CHD9: variants seen among roughly 807,000 people sequenced by gnomAD.
CHD9 encodes ATP-dependent chromatin remodeler CHD9.
CHD9 carries 77 observed loss-of-function variants against 316.1 expected under a neutral mutation model. That is an observed-to-expected ratio of 0.24 (90% confidence interval 0.20 to 0.29). The LOEUF is 0.29. Ranked by LOEUF, CHD9 falls within the 10% of genes least tolerant of loss-of-function variation. CHD9 has a pLI of 1.00. For synonymous variants in CHD9, 1,129 were observed against 1,158.3 expected (o/e 0.97, Z 0.51); for missense variants, 2,763 against 3,438.1 (o/e 0.80, Z 4.91).
chr16:53,125,890 G>A (rs943763900), intron 1 of CHD9, among the ~76,000 whole-genome samples: 1 of 152,196 alleles, frequency 6.6e-6, no homozygotes, highest in Admixed American at 6.5e-5. Flanking sequence ...AAACTTCATT[G>A]TAAGTTGAGG....
chr16:53,235,087 G>C (rs1452212952), intron 10 of CHD9, 98 bp from the exon 11 acceptor site: 5 of 912,608 alleles, frequency 5.5e-6, no homozygotes, highest in East Asian at 5.4e-5. Context: ...ACTGTACACT[G>C]TTATGCCTCT....
At chr16:53,291,909 T>C (rs2054375095) in intron 28 of CHD9, 142 bp downstream of exon 28, 1 of 477,642 alleles carries the variant, frequency 2.1e-6, no homozygotes, top group African/African-American at 2.0e-5. Context: ...TTATAGGACA[T>C]ACTAGTTGAC....
chr16:53,091,352 G>C (rs1245829054), intron 1 of CHD9, among the ~76,000 whole-genome samples: 1 of 152,196 alleles, frequency 6.6e-6, no homozygotes, highest in Non-Finnish European at 1.5e-5. Flanking sequence ...TGTAAAAAAT[G>C]TGACAGTAAC....
chr16:53,158,632 TG>T (rs1429611244), intron 2 of CHD9, among the ~76,000 whole-genome samples: 4 of 152,058 alleles, frequency 2.6e-5, no homozygotes, highest in African/African-American at 9.7e-5. Flanking sequence ...TACTTTTTTT[TG>T]TTTTTTTTTA....
intron 1 of CHD9, among the ~76,000 whole-genome samples, chr16:53,083,140 A>G (rs531190257): frequency 3.1e-4 from 47 of 152,372 alleles, no homozygotes; most frequent in African/African-American, 1.1e-3. Context: ...AAAGGTCCCC[A>G]TAGGAGGGTA....
At position 53,227,559 on chromosome 16, in the gene CHD9, A is replaced by G; in HGVS notation, c.2124A>G (p.Gly708=). The G allele has an allele frequency of 7.0e-7, 1 of 1,434,170 alleles. No homozygotes were observed. The highest frequency in any genetic ancestry group is 9.4e-7 in the Non-Finnish European group (1 of 1,065,818). 88.8% of individuals were successfully genotyped at this position (1,434,170 alleles called of 1,614,324 possible). A position where few individuals can be genotyped will look rare whatever the true frequency, so the allele number is the denominator to read the frequency against. The change falls in exon 7 of 39, where the codon GGA becomes GGG. Residue 708 remains glycine (G), a synonymous_variant. Transcript: ENST00000447540. The part of the protein sequence containing the change: ...SRTVKKEISP[G]VMIDTEEFFV... ...TTTTCTTTTCTTAGATATCACCTGG[A>G]GTGATGATTGATACAGAAGAATTTT...
intron 17 of CHD9, among the ~76,000 whole-genome samples, chr16:53,251,855 G>T (rs922823945): frequency 1.3e-5 from 2 of 151,634 alleles, no homozygotes; most frequent in Non-Finnish European, 2.9e-5. Context: ...ACCTTGGGTG[G>T]TTTTTTTTCC....
intron 1 of CHD9, among the ~76,000 whole-genome samples, chr16:53,150,587 A>G (rs935499466): frequency 6.6e-6 from 1 of 152,228 alleles, no homozygotes; most frequent in South Asian, 2.1e-4. Flanking sequence ...TTGTTTCTTC[A>G]TATGGCTTCA....
At chr16:53,221,594 C>CA (rs1207059623) in intron 3 of CHD9, among the ~76,000 whole-genome samples, 1 of 151,746 alleles carries the variant, frequency 6.6e-6, no homozygotes, top group African/African-American at 2.4e-5. Flanking sequence ...CTCATCAAGA[C>CA]AAAAAAACCC....
In CHD9 at chr16:53,180,815, A is replaced by G. The variant is rs547641752; in HGVS notation, c.1452+23274A>G. Among the ~76,000 whole-genome samples the G allele has an allele frequency of 3.5e-3, 526 of 151,782 alleles. 1 individual carries two copies. Among genetic ancestry groups the G allele is most frequent in the Non-Finnish European group, 5.4e-3 (369 of 67,958 alleles). ...AGCCTCCCCAGTATTAGCTGGGACTACAGGCGCCCGCCACCACGCCCGGCT... is the reference window on the plus strand; with the variant it reads ...AGCCTCCCCAGTATTAGCTGGGACTGCAGGCGCCCGCCACCACGCCCGGCT... On this transcript the variant is annotated intron_variant, in intron 2 of 38. Coordinates refer to ENST00000447540, the MANE Select transcript of CHD9 (RefSeq NM_001308319.2).
chr16:53,154,844 C>A (rs866469109), intron 1 of CHD9, among the ~76,000 whole-genome samples: 11 of 152,218 alleles, frequency 7.2e-5, no homozygotes, highest in Middle Eastern at 6.8e-3. Context: ...CTAGAGTTGT[C>A]ATTTGTGACA....
intron 1 of CHD9, among the ~76,000 whole-genome samples, chr16:53,119,159 G>A (rs769319045): frequency 1.1e-4 from 16 of 152,160 alleles, no homozygotes; most frequent in African/African-American, 2.2e-4. Context: ...TTTTGGAGGC[G>A]ATGAATATGT....
Position 53,080,061 on chromosome 16 carries a change from A to G in CHD9, c.-165+24984A>G, listed in dbSNP as rs905087904. Among the ~76,000 whole-genome samples the G allele has an allele frequency of 2.6e-5, 4 of 152,246 alleles. No homozygotes were observed. In the East Asian group the frequency reaches 5.8e-4, roughly 22 times the overall value. ...TCAACTGGCATCTGAAGTGGGAGCA[A>G]TCTGTGCAACTAAGCCCTTAACCTG... On this transcript the variant is annotated intron_variant, in intron 1 of 38. Transcript: ENST00000447540.
intron 1 of CHD9, among the ~76,000 whole-genome samples, chr16:53,086,782 T>A (rs184847189): frequency 7.2e-5 from 11 of 152,352 alleles, no homozygotes; most frequent in African/African-American, 2.6e-4. Flanking sequence ...TCAAGAATTA[T>A]CAACTCATGG....
intron 1 of CHD9, among the ~76,000 whole-genome samples, chr16:53,085,276 A>G (rs1030734424): frequency 6.7e-6 from 1 of 148,356 alleles, no homozygotes; most frequent in Admixed American, 6.8e-5. Context: ...AGGTCTTGCT[A>G]TGTTGCCTAG....
intron 11 of CHD9, 27 bp from the exon 12 acceptor site, chr16:53,238,316 C>T: frequency 6.3e-7 from 1 of 1,582,890 alleles, no homozygotes; most frequent in Non-Finnish European, 8.6e-7. Context: ...CCAATGTATG[C>T]ATGGATAATG....
intron 2 of CHD9, among the ~76,000 whole-genome samples, chr16:53,198,197 C>T (rs1266860975): frequency 6.6e-6 from 1 of 151,974 alleles, no homozygotes; most frequent in Non-Finnish European, 1.5e-5. Context: ...ACTATGATTC[C>T]CTCTGCATTT....
chr16:53,208,302 TTGTC>T lies in CHD9; in HGVS notation c.1453-1177_1453-1174del, dbSNP rs573166305. The T allele has an allele frequency of 2.8e-4, 358 of 1,279,068 alleles. 1 individual carries two copies. In the African/African-American group the frequency reaches 3.8e-3, roughly 14 times the overall value. 79.2% of individuals were successfully genotyped at this position (1,279,068 alleles called of 1,614,324 possible). A position where few individuals can be genotyped will look rare whatever the true frequency, so the allele number is the denominator to read the frequency against. On this transcript the variant is annotated intron_variant, in intron 2 of 38. Coordinates refer to ENST00000447540, the MANE Select transcript of CHD9 (RefSeq NM_001308319.2). ...TGGTGAAAAAGCAGAGGGCAAGCCT[TTGTC>T]TGACGCCAAAAATGTCTTCAGTGAA...
At chr16:53,110,677 G>A (rs183362790) in intron 1 of CHD9, among the ~76,000 whole-genome samples, 15 of 152,284 alleles carry the variant, frequency 9.9e-5, no homozygotes, top group South Asian at 4.1e-4. Context: ...CAGGAGAATC[G>A]CTTGAACCTG....
Sources: allele counts gnomAD v4.1 joint callset (sites outside exome capture counted in the v4.1 genomes callset), GRCh38; gene constraint gnomAD v4.1.1; transcripts MANE v1.5; gene names NCBI Gene and HGNC (gene_info 2026-07-23, HGNC 2026-07-21).